NPHS2: variants seen among roughly 807,000 people sequenced by gnomAD.
NPHS2 encodes the protein NPHS2 stomatin family member, podocin.
A neutral mutation model predicts 37.1 loss-of-function variants in NPHS2; 36 were observed. The ratio of observed to expected loss-of-function variants is 0.97; its 90% CI spans 0.74 to 1.28. The LOEUF is 1.28. Among genes scored for constraint, NPHS2 ranks in the 50% most tolerant of loss-of-function variants. The probability of loss-of-function intolerance (pLI) is 0.00; values close to 1 mark genes in which losing one functional copy is unlikely to be tolerated. For synonymous variants in NPHS2, 196 were observed against 189.3 expected (o/e 1.04, Z -0.29); for missense variants, 447 against 488.1 (o/e 0.92, Z 0.79).
Position 179,575,898 on chromosome 1 carries a change from CG to C in NPHS2, c.-35del. 1 of 1,376,582 alleles carries C rather than the reference CG, an allele frequency of 7.3e-7. No homozygotes were observed. Among genetic ancestry groups the C allele is most frequent in the South Asian group, 1.8e-5 (1 of 54,318 alleles). 85.3% of individuals were successfully genotyped at this position (1,376,582 alleles called of 1,614,324 possible). On this transcript the variant is annotated 5_prime_UTR_variant, in exon 1 of 8. Transcript: ENST00000367615. ...CTGCCGGGCGGCTGGAGCAGCAGCG[CG>C]GGAGCGCTAGGGGCACGGGAGCGCA... is the stretch of plus-strand genomic sequence containing the variant.
At chr1:179,555,423 A>C (rs1431800844) in intron 5 of NPHS2, among the ~76,000 whole-genome samples, 1 of 152,198 alleles carries the variant, frequency 6.6e-6, no homozygotes, top group Admixed American at 6.5e-5. Flanking sequence ...AGAGGGAAGA[A>C]AATCGACTGT....
rs1196446876 is a variant in NPHS2 at position 179,571,871 on chromosome 1, G to A, written c.274+3720C>T. Reference sequence around the variant, plus strand: ...AGGCTCCTTGGGCATGGGACCCACCGAGCCAGGCACGGGAGAGGATCACCT... The same window carrying A: ...AGGCTCCTTGGGCATGGGACCCACCAAGCCAGGCACGGGAGAGGATCACCT... On this transcript the variant is annotated intron_variant, in intron 1 of 7. Transcript: ENST00000367615. 4.6e-5 allele frequency among the ~76,000 whole-genome samples: 7 copies of A among 152,214 alleles called. No homozygotes were observed. The East Asian group carries it at 9.6e-4, about 21-fold the overall frequency.
Position 179,551,025 on chromosome 1 carries a change from A to T in NPHS2, c.*148T>A. The T allele has an allele frequency of 1.1e-6, 1 of 897,218 alleles. No homozygotes were observed. Among genetic ancestry groups the T allele is most frequent in the Non-Finnish European group, 1.8e-6 (1 of 568,556 alleles). The allele number at this position is 897,218 out of a possible 1,614,324, so 55.6% of individuals were successfully genotyped here. A position where few individuals can be genotyped will look rare whatever the true frequency, so the allele number is the denominator to read the frequency against. On this transcript the variant is annotated 3_prime_UTR_variant, in exon 8 of 8. Coordinates refer to ENST00000367615, the MANE Select transcript of NPHS2 (RefSeq NM_014625.4). ...CATTACATCATTTCACCGTCTTCTC[A>T]TGGATGGTGCATTGTGACTTCGTGC... is the stretch of plus-strand genomic sequence containing the variant.
intron 2 of NPHS2, among the ~76,000 whole-genome samples, chr1:179,563,045 G>A (rs930092942): frequency 6.6e-6 from 1 of 152,170 alleles, no homozygotes; most frequent in South Asian, 2.1e-4. Context: ...CCTTTGAGAA[G>A]AGCCTGCTGC....
chr1:179,572,203 C>T (rs766480557), intron 1 of NPHS2, among the ~76,000 whole-genome samples: 1 of 152,124 alleles, frequency 6.6e-6, no homozygotes, highest in Non-Finnish European at 1.5e-5. Flanking sequence ...ATCTTCTGTC[C>T]GGTTTGTTTT....
chr1:179,554,396 T>C (rs1051435410), intron 6 of NPHS2, 80 bp downstream of exon 6: 125 of 1,572,834 alleles, frequency 7.9e-5, no homozygotes, highest in Non-Finnish European at 1.0e-4. Flanking sequence ...GTGAAAATAA[T>C]TTTTCAAATG....
At position 179,551,265 on chromosome 1, in the gene NPHS2, T is replaced by C. The variant is rs1192797848; in HGVS notation, c.1060A>G (p.Ser354Gly). 1 of 1,614,086 alleles carries C rather than the reference T, an allele frequency of 6.2e-7. No individual in the cohort carries two copies. The highest frequency in any genetic ancestry group is 1.7e-5 in the Admixed American group (1 of 60,010). Residue 354 changes from serine to glycine, a missense_variant, in exon 8 of 8, where the codon AGC becomes GGC. By Grantham distance (56) the Ser-to-Gly change is moderately conservative. Transcript: ENST00000367615. Reference sequence around the variant, plus strand: ...GGGAGGCTTCCCTGAGTTCTGTTGCTGGGAGAAGACAGGCAATTCAGTAGG... The same window carrying C: ...GGGAGGCTTCCCTGAGTTCTGTTGCCGGGAGAAGACAGGCAATTCAGTAGG... ...FDLLNCLSSP[S>G]NRTQGSLPFP...
At chr1:179,570,240 A>G (rs1572293005) in intron 1 of NPHS2, among the ~76,000 whole-genome samples, 1 of 152,338 alleles carries the variant, frequency 6.6e-6, no homozygotes, top group East Asian at 1.9e-4. Flanking sequence ...AGGAATTTAA[A>G]GACACACACA....
At position 179,575,647 on chromosome 1, in the gene NPHS2, G is replaced by C; in HGVS notation, c.218C>G (p.Ser73Cys). 6.2e-7 allele frequency: 1 copy of C among 1,603,720 alleles called. No individual in the cohort carries two copies. Among genetic ancestry groups the C allele is most frequent in the Non-Finnish European group, 8.5e-7 (1 of 1,179,760 alleles). The change falls in exon 1 of 8, where the codon TCC becomes TGC. Residue 73 changes from serine to cysteine, a missense_variant. Physicochemically the swap from Ser to Cys is moderately radical, Grantham distance 112. Transcript: ENST00000367615. Reference sequence around the variant, plus strand: ...CACCACCTCGGTGCCCTCCTCGCCGGAGCCTCGGACCTCATCCACGTCCAC... The same window carrying C: ...CACCACCTCGGTGCCCTCCTCGCCGCAGCCTCGGACCTCATCCACGTCCAC... Reference protein sequence around the residue: ...TVVDVDEVRGSGEEGTEVVAL... With the variant: ...TVVDVDEVRGCGEEGTEVVAL...
rs1273655444 is a variant in NPHS2 at position 179,561,326 on chromosome 1, T to G, written c.414A>C (p.Arg138=). 1.2e-6 allele frequency: 2 copies of G among 1,613,420 alleles called. No individual in the cohort carries two copies. Among genetic ancestry groups the G allele is most frequent in the Non-Finnish European group, 1.7e-6 (2 of 1,179,480 alleles). Residue 138 remains arginine, a synonymous_variant, in exon 3 of 8, where the codon CGA becomes CGC. Coordinates refer to ENST00000367615, the MANE Select transcript of NPHS2 (RefSeq NM_014625.4). ...VQEYERVIIF[R]LGHLLPGRAK... is the part of the protein sequence containing the mutation. ...CTCTTCCAGGAAGCAGATGTCCCAGTCGGAATATAATTACTCTTTCATACT... is the reference window on the plus strand; with the variant it reads ...CTCTTCCAGGAAGCAGATGTCCCAGGCGGAATATAATTACTCTTTCATACT...
intron 1 of NPHS2, among the ~76,000 whole-genome samples, chr1:179,572,067 G>C (rs1674585419): frequency 6.6e-6 from 1 of 152,240 alleles, no homozygotes; most frequent in South Asian, 2.1e-4. Context: ...CCCTCCATGG[G>C]CTGCACTCAC....
chr1:179,570,129 G>A (rs1674497456), intron 1 of NPHS2, among the ~76,000 whole-genome samples: 1 of 152,152 alleles, frequency 6.6e-6, no homozygotes, highest in Non-Finnish European at 1.5e-5. Flanking sequence ...ATAATATCCT[G>A]AAGAGTGTTT....
chr1:179,561,863 T>C (rs1674150383), intron 2 of NPHS2, among the ~76,000 whole-genome samples: 1 of 152,154 alleles, frequency 6.6e-6, no homozygotes, highest in South Asian at 2.1e-4. Context: ...TGGAGTGCAG[T>C]GGCATGATCT....
chr1:179,567,282 G>A (rs936381932), intron 1 of NPHS2, among the ~76,000 whole-genome samples: 13 of 151,982 alleles, frequency 8.6e-5, no homozygotes, highest in South Asian at 6.2e-4. Flanking sequence ...GGTCCTTCAC[G>A]TCCCTTGTAA....
intron 2 of NPHS2, among the ~76,000 whole-genome samples, chr1:179,562,598 T>C (rs940427850): frequency 6.6e-6 from 1 of 152,214 alleles, no homozygotes; most frequent in Non-Finnish European, 1.5e-5. Context: ...AAACACATTT[T>C]GAAATGTGCT....
rs1369677405 is a variant in NPHS2 at position 179,559,775 on chromosome 1, G to A, written c.452-14C>T. 12 of 1,548,246 alleles carry A rather than the reference G, an allele frequency of 7.8e-6. No individual in the cohort carries two copies. The highest frequency in any genetic ancestry group is 5.5e-5 in the Admixed American group (3 of 54,848). ...AAAAGAAAAGACCTAAAAGAGAGGA[G>A]GAGGAAGTGACAGATAAATAGCTAG... On this transcript the variant is annotated splice_polypyrimidine_tract_variant and intron_variant, in intron 3 of 7. Coordinates refer to ENST00000367615, the MANE Select transcript of NPHS2 (RefSeq NM_014625.4).
At chr1:179,575,508 C>T in intron 1 of NPHS2, 83 bp downstream of exon 1, 1 of 1,565,486 alleles carries the variant, frequency 6.4e-7, no homozygotes, top group Non-Finnish European at 8.7e-7. Flanking sequence ...CAGTGGGTCT[C>T]GTGGGGATGA....
intron 1 of NPHS2, 113 bp from the exon 2 acceptor site, chr1:179,564,906 C>G: frequency 1.2e-6 from 1 of 845,696 alleles, no homozygotes; most frequent in Non-Finnish European, 2.0e-6. Context: ...GGAGACTTTG[C>G]TGGAAATATT....
chr1:179,575,685 G>A lies in NPHS2; in HGVS notation c.180C>T (p.Pro60=). ...CATCCACGTCCACCACCGTGGCGGC[G>A]GGCGCTCGGGGCTCCCCCGGGGTCC... ...RAGTPGEPRA[P]AATVVDVDEV... Residue 60 remains proline (P), a synonymous_variant, in exon 1 of 8, where the codon CCC becomes CCT. Coordinates refer to ENST00000367615, the MANE Select transcript of NPHS2 (RefSeq NM_014625.4). The A allele has an allele frequency of 1.3e-6, 2 of 1,592,798 alleles. No homozygotes were observed. Among genetic ancestry groups the A allele is most frequent in the Non-Finnish European group, 1.7e-6 (2 of 1,175,096 alleles).
Sources: allele counts gnomAD v4.1 joint callset (sites outside exome capture counted in the v4.1 genomes callset), GRCh38; gene constraint gnomAD v4.1.1; transcripts MANE v1.5; gene names NCBI Gene and HGNC (gene_info 2026-07-23, HGNC 2026-07-21).